HBS1L: variants seen among roughly 807,000 people sequenced by gnomAD.
The protein encoded by HBS1L is HBS1-like protein.
A neutral mutation model predicts 88.9 loss-of-function variants in HBS1L; 55 were observed. The ratio of observed to expected loss-of-function variants is 0.62; its 90% CI spans 0.50 to 0.77. The LOEUF (loss-of-function observed/expected upper bound fraction) is 0.77, where lower values mean the gene tolerates loss of function less well. Ranked by LOEUF, HBS1L falls within the 30% of genes least tolerant of loss-of-function variation. The probability of loss-of-function intolerance (pLI) is 0.00; values close to 1 mark genes in which losing one functional copy is unlikely to be tolerated. For synonymous variants in HBS1L, 267 were observed against 288.5 expected, an observed-to-expected ratio of 0.93 and a Z score of 0.76; for missense variants, 741 against 829.3, an observed-to-expected ratio of 0.89 and a Z score of 1.31.
At chr6:135,000,222 A>ATTTTTTTTTTTTTTTTTTTTT (rs33946758) in intron 5 of HBS1L, among the ~76,000 whole-genome samples, 15 of 129,412 alleles carry the variant, frequency 1.2e-4, no homozygotes, top group African/African-American at 4.5e-4. Context: ...TACCCAGCTA[A>ATTTTTTTTTTTTTTTTTTTTT]TTTTTTTTTT....
At chr6:134,993,571 T>G (rs1171114484) in intron 8 of HBS1L, among the ~76,000 whole-genome samples, 187 bp downstream of exon 8, 3 of 152,130 alleles carry the variant, frequency 2.0e-5, no homozygotes, top group Non-Finnish European at 4.4e-5. Flanking sequence ...TTTAAAAGGT[T>G]TTACAAAGTA....
chr6:135,038,121 T>G, intron 4 of HBS1L: 1 of 916,768 alleles, frequency 1.1e-6, no homozygotes, highest in Non-Finnish European at 1.6e-6. Flanking sequence ...ATGAGGCATT[T>G]AATTACTAAA....
chr6:134,968,492 G>A (rs1190664678), intron 16 of HBS1L, among the ~76,000 whole-genome samples: 3 of 152,068 alleles, frequency 2.0e-5, no homozygotes, highest in African/African-American at 7.2e-5. Flanking sequence ...CAGGTGATCT[G>A]CCCGCCTTGG....
In HBS1L at chr6:134,965,351, A is replaced by G. The variant is rs901495733; in HGVS notation, c.2044-61T>C. On this transcript the variant is annotated intron_variant, in intron 17 of 17. Transcript: ENST00000367837. Reference sequence around the variant, plus strand: ...ATTTAATCAATCACATTATAAGAACAACAAAGGGAAAATTATGGTGAAAGA... The same window carrying G: ...ATTTAATCAATCACATTATAAGAACGACAAAGGGAAAATTATGGTGAAAGA... The G allele has an allele frequency of 8.7e-6, 10 of 1,145,074 alleles. No individual in the cohort carries two copies. In the African/African-American group the frequency reaches 1.4e-4, roughly 16 times the overall value. 70.9% of individuals were successfully genotyped at this position (1,145,074 alleles called of 1,614,324 possible).
chr6:135,036,722 G>A (rs1224786173), intron 4 of HBS1L: 30 of 1,550,926 alleles, frequency 1.9e-5, no homozygotes, highest in South Asian at 2.4e-5. Flanking sequence ...TCAAGGGTGC[G>A]TCGCTTGCAG....
At position 134,987,700 on chromosome 6, in the gene HBS1L, A is replaced by G; in HGVS notation, c.1175T>C (p.Leu392Ser). 1 of 1,610,458 alleles carries G rather than the reference A, an allele frequency of 6.2e-7. No individual in the cohort carries two copies. The highest frequency in any genetic ancestry group is 8.5e-7 in the Non-Finnish European group (1 of 1,178,246). Residue 392 changes from leucine to serine, a missense_variant, in exon 9 of 18, where the codon TTG becomes TCG. Leu to Ser is a moderately radical substitution (Grantham distance 145). Coordinates refer to ENST00000367837, the MANE Select transcript of HBS1L (RefSeq NM_006620.4). ...TGGQTREHGLLVRSLGVTQLA... is the reference protein window; with the variant it reads ...TGGQTREHGLSVRSLGVTQLA... Reference sequence around the variant, plus strand: ...CTGCGTCACTCCCAGAGAACGGACCAAGAGTCCATGCTCTCGTGTTTGTCC... The same window carrying G: ...CTGCGTCACTCCCAGAGAACGGACCGAGAGTCCATGCTCTCGTGTTTGTCC...
intron 13 of HBS1L, among the ~76,000 whole-genome samples, chr6:134,979,677 T>C (rs1427018380): frequency 2.0e-5 from 3 of 152,038 alleles, no homozygotes; most frequent in Non-Finnish European, 4.4e-5. Context: ...TCTAGCAGTA[T>C]TTTCTTCTCG....
chr6:134,985,809 A>C (rs1323506909), intron 11 of HBS1L, among the ~76,000 whole-genome samples: 1 of 152,190 alleles, frequency 6.6e-6, no homozygotes, highest in Non-Finnish European at 1.5e-5. Context: ...GTTGCAGCTT[A>C]TAAAATGAAT....
chr6:135,018,461 C>A (rs994014760), intron 4 of HBS1L, among the ~76,000 whole-genome samples: 1 of 151,856 alleles, frequency 6.6e-6, no homozygotes, highest in African/African-American at 2.4e-5. Context: ...TAACACTGAA[C>A]CAGCAATTTT....
chr6:134,998,076 C>T lies in HBS1L; in HGVS notation c.540-420G>A, dbSNP rs1325592903. Among the ~76,000 whole-genome samples the T allele has an allele frequency of 2.6e-5, 4 of 152,134 alleles. No individual in the cohort carries two copies. In the East Asian group the frequency reaches 7.7e-4, roughly 29 times the overall value. On this transcript the variant is annotated intron_variant, in intron 5 of 17. Coordinates refer to ENST00000367837, the MANE Select transcript of HBS1L (RefSeq NM_006620.4). ...CAACTCATCCTTCCAACATGATAGA[C>T]TTATGATCTTTTTTACTCAAATACT...
chr6:135,014,113 G>A (rs1383067268), intron 4 of HBS1L, among the ~76,000 whole-genome samples: 1 of 152,138 alleles, frequency 6.6e-6, no homozygotes, highest in African/African-American at 2.4e-5. Context: ...TGAGAGAAAG[G>A]ACAGTCCTCA....
At chr6:134,985,997 T>C (rs1583074143) in intron 11 of HBS1L, 69 bp downstream of exon 11, 6 of 739,042 alleles carry the variant, frequency 8.1e-6, no homozygotes, top group South Asian at 1.6e-5. Context: ...CTCTCTCCCA[T>C]AAAGAACTCT....
chr6:135,028,789 C>CA (rs1052760918), intron 4 of HBS1L, among the ~76,000 whole-genome samples: 5 of 152,104 alleles, frequency 3.3e-5, no homozygotes, highest in Non-Finnish European at 7.4e-5. Flanking sequence ...AAGCCTTTGG[C>CA]ATCTCTGGAG....
intron 5 of HBS1L, among the ~76,000 whole-genome samples, chr6:134,998,284 T>A (rs1049722154): frequency 2.0e-5 from 3 of 152,210 alleles, no homozygotes; most frequent in Non-Finnish European, 2.9e-5. Context: ...AAGATTACAA[T>A]CTAGTGAGGA....
intron 16 of HBS1L, among the ~76,000 whole-genome samples, chr6:134,966,921 A>C (rs184272051): frequency 6.8e-6 from 1 of 147,522 alleles, no homozygotes; most frequent in Admixed American, 6.6e-5. Context: ...TAATTTATGG[A>C]ATGTGTATTA....
chr6:135,042,391 CTGG>C (rs1246566727), intron 2 of HBS1L, among the ~76,000 whole-genome samples: 2 of 152,146 alleles, frequency 1.3e-5, no homozygotes, highest in African/African-American at 4.8e-5. Flanking sequence ...TACTTTCTCC[CTGG>C]TTTCCAAAAT....
In HBS1L at chr6:135,012,335, TA is replaced by T. The variant is rs200735256; in HGVS notation, c.431-9494del. Reference sequence around the variant, plus strand: ...TATCATATCACTATGCAACCGGCATTAAAAAGTGCATGCTTTTTAAAGTGAT... The same window carrying T: ...TATCATATCACTATGCAACCGGCATTAAAAGTGCATGCTTTTTAAAGTGAT... On this transcript the variant is annotated intron_variant, in intron 4 of 17. Coordinates refer to ENST00000367837, the MANE Select transcript of HBS1L (RefSeq NM_006620.4). Among the ~76,000 whole-genome samples, 1,018 of 152,318 alleles carry T rather than the reference TA, an allele frequency of 6.7e-3. 9 individuals carry two copies. The highest frequency in any genetic ancestry group is 0.02 in the African/African-American group (843 of 41,570).
chr6:134,969,115 T>C, intron 16 of HBS1L, 123 bp downstream of exon 16: 2 of 660,048 alleles, frequency 3.0e-6, no homozygotes, highest in Non-Finnish European at 5.4e-6. Context: ...CTTGAAAAAA[T>C]AATTTCTGGA....
At position 134,979,235 on chromosome 6, in the gene HBS1L, GC is replaced by G; in HGVS notation, c.1630del (p.Ala544ArgfsTer73). Reference sequence around the variant, plus strand: ...AAGACTAACATGATCGCCTGCTGCCGCCCAGTCGACAGGTTCATCATGCAGA... The same window carrying G: ...AAGACTAACATGATCGCCTGCTGCCGCCAGTCGACAGGTTCATCATGCAGA... Reference protein sequence around the residue: ...ITLHDEPVDWAAAGDHVSLTL... With the variant: ...ITLHDEPVDWXAAGDHVSLTL... On this transcript the variant is annotated frameshift_variant, in exon 14 of 18. Transcript: ENST00000367837. LOFTEE classifies it high-confidence loss of function. 6.2e-7 allele frequency: 1 copy of G among 1,611,926 alleles called. No homozygotes were observed. Among genetic ancestry groups the G allele is most frequent in the East Asian group, 2.2e-5 (1 of 44,830 alleles).
Sources: allele counts gnomAD v4.1 joint callset (sites outside exome capture counted in the v4.1 genomes callset), GRCh38; gene constraint gnomAD v4.1.1; transcripts MANE v1.5; gene names NCBI Gene and HGNC (gene_info 2026-07-23, HGNC 2026-07-21).